Variants in RANBP2 observed in about 807,000 individuals in gnomAD.
RANBP2 encodes the protein E3 SUMO-protein ligase RanBP2.
In RANBP2, 57 loss-of-function variants were observed where a neutral mutation model predicts 303.6. That is an observed-to-expected ratio of 0.19 (90% CI 0.15 to 0.23). The LOEUF (loss-of-function observed/expected upper bound fraction) is 0.23. RANBP2 is among the 10% of genes least tolerant of loss of function. RANBP2 has a pLI of 1.00. For synonymous variants in RANBP2, 1,167 were observed against 1,301.5 expected (o/e 0.90, Z 2.23); for missense variants, 3,138 against 3,780.8 (o/e 0.83, Z 4.46).
chr2:108,812,570 C>A, the RANBP2 span: 2 of 1,241,754 alleles, frequency 1.6e-6, no homozygotes, highest in Non-Finnish European at 2.4e-6. Flanking sequence ...GATTGGGAAA[C>A]CCTTAGTATG....
chr2:109,662,625 G>C, the RANBP2 span, among the ~76,000 whole-genome samples: 1 of 151,956 alleles, frequency 6.6e-6, no homozygotes, highest in African/African-American at 2.4e-5. Context: ...TGGCTATGCT[G>C]GTCTTGAACT....
chr2:109,487,426 T>A, the RANBP2 span, among the ~76,000 whole-genome samples: 1 of 152,212 alleles, frequency 6.6e-6, no homozygotes, highest in South Asian at 2.1e-4. Context: ...CCACAGCGAT[T>A]GGTAATAACT....
At chr2:109,148,999 C>G in the RANBP2 span, among the ~76,000 whole-genome samples, 4 of 152,208 alleles carry the variant, frequency 2.6e-5, no homozygotes, top group East Asian at 7.7e-4. Flanking sequence ...GTTTGCACTT[C>G]TGGCTTTCAA....
chr2:108,949,655 G>A, the RANBP2 span, among the ~76,000 whole-genome samples: 1 of 152,188 alleles, frequency 6.6e-6, no homozygotes, highest in African/African-American at 2.4e-5. Context: ...TGAGGTTGGA[G>A]GATTGGTTTG....
the RANBP2 span, among the ~76,000 whole-genome samples, chr2:109,461,961 G>A: frequency 9.9e-5 from 15 of 152,088 alleles, no homozygotes; most frequent in African/African-American, 3.6e-4. Flanking sequence ...TATAGGAGGG[G>A]CTAGACGTAA....
the RANBP2 span, among the ~76,000 whole-genome samples, chr2:109,476,426 AG>A: frequency 6.6e-6 from 1 of 152,208 alleles, no homozygotes; most frequent in Non-Finnish European, 1.5e-5. Flanking sequence ...GGGTAGCCCC[AG>A]GGGAGGTAGT....
the RANBP2 span, among the ~76,000 whole-genome samples, chr2:109,517,069 T>C: frequency 6.6e-6 from 1 of 152,138 alleles, no homozygotes; most frequent in African/African-American, 2.4e-5. Flanking sequence ...CCAGGAACAC[T>C]GGCCAGCCCT....
chr2:109,606,766 G>A, the RANBP2 span, among the ~76,000 whole-genome samples: 3 of 127,546 alleles, frequency 2.4e-5, no homozygotes, highest in Non-Finnish European at 3.1e-5. Flanking sequence ...TGCAACCTCC[G>A]TCTCGCAGGT....
chr2:109,478,332 T>C, the RANBP2 span, among the ~76,000 whole-genome samples: 1 of 152,352 alleles, frequency 6.6e-6, no homozygotes, highest in South Asian at 2.1e-4. Flanking sequence ...TCTGAAAATG[T>C]GTCCTTTGAG....
the RANBP2 span, among the ~76,000 whole-genome samples, chr2:109,055,170 T>C: frequency 6.6e-6 from 1 of 152,186 alleles, no homozygotes; most frequent in Non-Finnish European, 1.5e-5. Context: ...CCTTTTCATG[T>C]GTTTATTAGC....
the RANBP2 span, among the ~76,000 whole-genome samples, chr2:108,996,290 G>T: frequency 6.6e-6 from 1 of 152,126 alleles, no homozygotes; most frequent in South Asian, 2.1e-4. Context: ...ACAGTTTAGG[G>T]ATCTTTACAC....
the RANBP2 span, among the ~76,000 whole-genome samples, chr2:109,733,526 T>C: frequency 6.6e-6 from 1 of 152,074 alleles, no homozygotes; most frequent in Non-Finnish European, 1.5e-5. Flanking sequence ...AAGAAAAAGA[T>C]TCCCACTGCT....
chr2:109,056,432 G>A, the RANBP2 span, among the ~76,000 whole-genome samples: 4 of 152,146 alleles, frequency 2.6e-5, no homozygotes, highest in Non-Finnish European at 5.9e-5. Context: ...GCCTCCCAAA[G>A]TGCTGGGATT....
At position 108,764,692 on chromosome 2, in the gene RANBP2, C is replaced by T. The variant is rs1391634172; in HGVS notation, c.4153C>T (p.Leu1385Phe). 2 of 1,613,868 alleles carry T rather than the reference C, an allele frequency of 1.2e-6. No homozygotes were observed. Among genetic ancestry groups the T allele is most frequent in the African/African-American group, 2.7e-5 (2 of 74,892 alleles). Residue 1385 changes from leucine to phenylalanine, a missense_variant, in exon 20 of 29, where the codon CTC (leucine) becomes TTC (phenylalanine). By Grantham distance (22) the Leu-to-Phe change is conservative. Around this residue, in one of 20 missense-constraint regions of RANBP2, gnomAD observed 388 missense variants for 328.5 expected, o/e 1.18. Transcript: ENST00000283195. ...AAATCTAAACCCAAGCAATAAAGAG[C>T]TCGTTGGCCCACCATTAGCTGAAAC... ...CQNLNPSNKELVGPPLAETVF... is the reference protein window; with the variant it reads ...CQNLNPSNKEFVGPPLAETVF...
chr2:109,243,385 C>T, the RANBP2 span, among the ~76,000 whole-genome samples: 4 of 152,234 alleles, frequency 2.6e-5, no homozygotes, highest in Non-Finnish European at 4.4e-5. Flanking sequence ...TCCCGGGGCA[C>T]ATGCTGGAGT....
intron 18 of RANBP2, among the ~76,000 whole-genome samples, chr2:108,760,710 C>T (rs1309800049): frequency 1.3e-5 from 2 of 152,084 alleles, no homozygotes; most frequent in Non-Finnish European, 2.9e-5. Flanking sequence ...CCATCTTCAA[C>T]GTGGGTACCT....
At chr2:109,193,376 C>A in the RANBP2 span, among the ~76,000 whole-genome samples, 1 of 152,170 alleles carries the variant, frequency 6.6e-6, no homozygotes, top group Non-Finnish European at 1.5e-5. Context: ...TAATGTGTAG[C>A]CATCGCCACA....
the RANBP2 span, among the ~76,000 whole-genome samples, chr2:109,384,043 G>A: frequency 6.6e-6 from 1 of 152,182 alleles, no homozygotes. Flanking sequence ...TCCATCAGAG[G>A]ACCACTTGCT....
chr2:109,358,643 T>C, the RANBP2 span, among the ~76,000 whole-genome samples: 4 of 152,206 alleles, frequency 2.6e-5, no homozygotes, highest in African/African-American at 7.2e-5. Context: ...TGTTTTCTTG[T>C]TGTTGAGTTT....
Sources: allele counts gnomAD v4.1 joint callset (sites outside exome capture counted in the v4.1 genomes callset), GRCh38; gene constraint gnomAD v4.1.1; regional missense constraint gnomAD v4.1.1; transcripts MANE v1.5; gene names NCBI Gene and HGNC (gene_info 2026-07-23, HGNC 2026-07-21).